Variants in MS4A8 observed in about 807,000 individuals in gnomAD.
The protein encoded by MS4A8 is membrane spanning 4-domains A8.
In MS4A8, 27 loss-of-function variants were observed where a neutral mutation model predicts 23.7. The ratio of observed to expected loss-of-function variants is 1.14; its 90% CI spans 0.84 to 1.57. The LOEUF (loss-of-function observed/expected upper bound fraction) is 1.57, where lower values mean the gene tolerates loss of function less well. MS4A8 is among the 40% of genes most tolerant of loss of function. The pLI is 0.00. For missense variants in MS4A8, 301 were observed against 311.4 expected (o/e 0.97, Z 0.25); for synonymous variants, 138 against 126.3 (o/e 1.09, Z -0.62).
At chr11:60,713,948 C>T (rs1331358449) in intron 5 of MS4A8, among the ~76,000 whole-genome samples, 45 of 124,328 alleles carry the variant, frequency 3.6e-4, no homozygotes, top group Admixed American at 7.4e-4. Context: ...GACGGAGTCT[C>T]GCTCTGTCGC....
chr11:60,714,145 C>G (rs2088322532), intron 5 of MS4A8, among the ~76,000 whole-genome samples: 1 of 146,310 alleles, frequency 6.8e-6, no homozygotes, highest in South Asian at 2.1e-4. Context: ...AGGATGGTCT[C>G]GATCTCCTGA....
intron 5 of MS4A8, among the ~76,000 whole-genome samples, chr11:60,712,807 TA>T (rs1272064965): frequency 6.6e-6 from 1 of 151,366 alleles, no homozygotes; most frequent in Non-Finnish European, 1.5e-5. Context: ...AAAAAAAAAT[TA>T]AAAAATCATA....
chr11:60,708,764 C>T lies in MS4A8; in HGVS notation c.517C>T (p.Pro173Ser), dbSNP rs139677781. 6.2e-7 allele frequency: 1 copy of T among 1,614,016 alleles called. No homozygotes were observed. Among genetic ancestry groups the T allele is most frequent in the South Asian group, 1.1e-5 (1 of 91,072 alleles). The change falls in exon 5 of 7, where the codon CCT (proline) becomes TCT (serine). Residue 173 changes from proline to serine, a missense_variant. Transcript: ENST00000300226. ...PHPYAYPDYY[P>S]YAWGVNPGMA... ...CCCATATGCCTACCCCGACTATTAT[C>T]CTTACGCCTGGGGTGTGGTGAGTAT...
intron 2 of MS4A8, chr11:60,701,340 C>T (rs1234554506): frequency 1.7e-6 from 1 of 584,998 alleles, no homozygotes; most frequent in East Asian, 3.8e-5. Flanking sequence ...GAAGGTTGAT[C>T]CTGTTGCCAG....
chr11:60,714,212 C>A (rs1036522715), intron 5 of MS4A8, among the ~76,000 whole-genome samples: 1 of 141,948 alleles, frequency 7.0e-6, no homozygotes, highest in South Asian at 2.1e-4. Flanking sequence ...GCGTGAGCCA[C>A]CGCGCCCGGC....
At chr11:60,711,958 A>G (rs2088304200) in intron 5 of MS4A8, 1 of 369,358 alleles carries the variant, frequency 2.7e-6, no homozygotes, top group African/African-American at 2.1e-5. Context: ...ATAATGACCC[A>G]AGGAATGGAG....
Position 60,703,471 on chromosome 11 carries a change from G to A in MS4A8, c.313G>A (p.Gly105Arg), listed in dbSNP as rs768046843. ...GGAATACCTGTCTATTTCATTCTACGGAGGCTTTCCCTTCTGGGGAGGCTT... is the reference window on the plus strand; with the variant it reads ...GGAATACCTGTCTATTTCATTCTACAGAGGCTTTCCCTTCTGGGGAGGCTT... ...VGEYLSISFY[G>R]GFPFWGGLWF... is the part of the protein sequence containing the mutation. Residue 105 changes from glycine (G) to arginine (R), a missense_variant, in exon 3 of 7, where the codon GGA becomes AGA. Gly to Arg is a moderately radical substitution (Grantham distance 125, BLOSUM62 -2). Coordinates refer to ENST00000300226, the MANE Select transcript of MS4A8 (RefSeq NM_031457.2). 6 of 1,607,744 alleles carry A rather than the reference G, an allele frequency of 3.7e-6. No homozygotes were observed. In the Admixed American group the frequency reaches 5.1e-5, roughly 14 times the overall value.
chr11:60,704,869 CACACACACACACAT>C lies in MS4A8; in HGVS notation c.342+1382_342+1395del, dbSNP rs1271012907. On this transcript the variant is annotated intron_variant, in intron 3 of 6. Transcript: ENST00000300226. ...ACACACATACAAACAAACACACATA[CACACACACACACAT>C]ACACACACACACTCTCTCTCTCTCT... is the stretch of plus-strand genomic sequence containing the variant. Among the ~76,000 whole-genome samples the C allele has an allele frequency of 6.7e-3, 986 of 146,322 alleles. 9 individuals carry two copies. The highest frequency in any genetic ancestry group is 0.025 in the African/African-American group (917 of 37,020).
rs769797287 is a variant in MS4A8 at position 60,700,889 on chromosome 11, T to G, written c.29T>G (p.Val10Gly). The G allele has an allele frequency of 1.9e-6, 3 of 1,614,064 alleles. No homozygotes were observed. In the African/African-American group the frequency reaches 4.0e-5, roughly 22 times the overall value. MNSMTSAVP[V>G]ANSVLVVAPH... ...AATTCGATGACTTCAGCAGTTCCGG[T>G]GGCCAATTCTGTGTTGGTGGTGGCA... The change falls in exon 2 of 7, where the codon GTG (valine) becomes GGG (glycine). Residue 10 changes from valine (V) to glycine (G), a missense_variant. By Grantham distance (109) the Val-to-Gly change is moderately radical. Coordinates refer to ENST00000300226, the MANE Select transcript of MS4A8 (RefSeq NM_031457.2).
At chr11:60,703,617 G>A (rs571170657) in intron 3 of MS4A8, 117 bp downstream of exon 3, 1 of 1,270,582 alleles carries the variant, frequency 7.9e-7, no homozygotes, top group African/African-American at 1.5e-5. Flanking sequence ...CCCAAATGTG[G>A]GGGATAGGAA....
rs149106877 is a variant in MS4A8, at chr11:60,700,962, C to T, written c.102C>T (p.Pro34=). 60 of 1,614,156 alleles carry T rather than the reference C, an allele frequency of 3.7e-5. No homozygotes were observed. The African/African-American group carries it at 7.5e-4, about 20-fold the overall frequency. ...CCCCAGGAATTATGTCTCACGTGCCCCTGTATCCAAACAGCCAGCCGCAAG... is the reference window on the plus strand; with the variant it reads ...CCCCAGGAATTATGTCTCACGTGCCTCTGTATCCAAACAGCCAGCCGCAAG... ...PVTPGIMSHV[P]LYPNSQPQVH... The change falls in exon 2 of 7, where the codon CCC becomes CCT. Residue 34 remains proline (P), a synonymous_variant. Coordinates refer to ENST00000300226, the MANE Select transcript of MS4A8 (RefSeq NM_031457.2).
intron 4 of MS4A8, among the ~76,000 whole-genome samples, chr11:60,707,353 C>T (rs1347289713): frequency 6.6e-6 from 1 of 152,060 alleles, no homozygotes; most frequent in African/African-American, 2.4e-5. Context: ...TCCTAAGAAG[C>T]CCTGCCACAG....
intron 5 of MS4A8, among the ~76,000 whole-genome samples, chr11:60,710,124 C>T (rs1236287216): frequency 2.6e-5 from 4 of 152,180 alleles, no homozygotes; most frequent in African/African-American, 9.6e-5. Flanking sequence ...TCTGCTAGTT[C>T]TGTTTTTCCC....
intron 5 of MS4A8, among the ~76,000 whole-genome samples, chr11:60,714,374 C>T (rs556517317): frequency 3.9e-5 from 6 of 152,112 alleles, no homozygotes; most frequent in Non-Finnish European, 7.4e-5. Context: ...AACAGCAGCT[C>T]GAGGCAGAAG....
intron 5 of MS4A8, among the ~76,000 whole-genome samples, chr11:60,710,276 C>T (rs568414578): frequency 6.6e-6 from 1 of 152,356 alleles, no homozygotes; most frequent in East Asian, 1.9e-4. Flanking sequence ...CTCCCCTATA[C>T]ACCAGTCTAG....
At position 60,708,757 on chromosome 11, in the gene MS4A8, C is replaced by G. The variant is rs780581740; in HGVS notation, c.510C>G (p.Asp170Glu). 35 of 1,613,928 alleles carry G rather than the reference C, an allele frequency of 2.2e-5. No homozygotes were observed. The highest frequency in any genetic ancestry group is 5.3e-5 in the African/African-American group (4 of 74,924). The change falls in exon 5 of 7, where the codon GAC (aspartate) becomes GAG (glutamate). Residue 170 changes from aspartate to glutamate, a missense_variant. By Grantham distance (45) the Asp-to-Glu change is conservative. Transcript: ENST00000300226. ...TTCCCCACCCATATGCCTACCCCGA[C>G]TATTATCCTTACGCCTGGGGTGTGG... ...LSIPHPYAYPDYYPYAWGVNP... is the reference protein window; with the variant it reads ...LSIPHPYAYPEYYPYAWGVNP...
intron 3 of MS4A8, 105 bp downstream of exon 3, chr11:60,703,605 C>T (rs2088226053): frequency 7.3e-7 from 1 of 1,364,642 alleles, no homozygotes; most frequent in African/African-American, 1.5e-5. Context: ...GGTTCCCAGC[C>T]ACCCAAATGT....
intron 3 of MS4A8, among the ~76,000 whole-genome samples, chr11:60,706,460 C>T (rs1393190088): frequency 6.6e-6 from 1 of 152,186 alleles, no homozygotes; most frequent in African/African-American, 2.4e-5. Context: ...TGATGTCAGG[C>T]TTCTATCTAA....
intron 3 of MS4A8, 93 bp from the exon 4 acceptor site, chr11:60,706,895 A>G (rs970130437): frequency 7.5e-6 from 8 of 1,059,846 alleles, no homozygotes; most frequent in Non-Finnish European, 1.2e-5. Flanking sequence ...GTTCCAGCAA[A>G]GGTACCCACT....
Sources: gnomAD v4.1 joint callset for allele counts (sites outside exome capture counted in the v4.1 genomes callset) on GRCh38, gnomAD v4.1.1 for gene constraint, MANE v1.5 for transcripts, NCBI Gene and HGNC (gene_info 2026-07-23, HGNC 2026-07-21) for gene names.